Variants in TARBP1 observed in about 807,000 individuals in gnomAD.
The protein encoded by TARBP1 is tRNA (guanosine(18)-2'-O)-methyltransferase TARBP1.
In TARBP1, 144 loss-of-function variants were observed where a neutral mutation model predicts 178.6. The ratio of observed to expected loss-of-function variants is 0.81; its 90% CI spans 0.70 to 0.93. TARBP1 has a LOEUF of 0.93. Among genes scored for constraint, TARBP1 ranks in the 40% least tolerant of loss-of-function variants. TARBP1 has a pLI of 0.00. For synonymous variants in TARBP1, 787 were observed against 781.0 expected (o/e 1.01, Z -0.13); for missense variants, 2,067 against 2,011.7 (o/e 1.03, Z -0.53).
intron 12 of TARBP1, among the ~76,000 whole-genome samples, chr1:234,445,253 G>A (rs1411627577): frequency 6.6e-6 from 1 of 152,062 alleles, no homozygotes; most frequent in African/African-American, 2.4e-5. Context: ...ACCCTCTGCT[G>A]TTCCTCTTCA....
At chr1:234,444,558 C>T (rs1346880556) in intron 12 of TARBP1, among the ~76,000 whole-genome samples, 1 of 152,114 alleles carries the variant, frequency 6.6e-6, no homozygotes, top group Non-Finnish European at 1.5e-5. Flanking sequence ...ACCTCAAGGG[C>T]GTGCTCAGCA....
chr1:234,425,376 G>T (rs967383431), intron 20 of TARBP1, among the ~76,000 whole-genome samples: 2 of 152,094 alleles, frequency 1.3e-5, no homozygotes, highest in African/African-American at 4.8e-5. Flanking sequence ...TACTAACCAA[G>T]ATTTTTTTTC....
intron 2 of TARBP1, among the ~76,000 whole-genome samples, 153 bp downstream of exon 2, chr1:234,472,561 A>G (rs1032540994): frequency 6.6e-6 from 1 of 152,180 alleles, no homozygotes; most frequent in Non-Finnish European, 1.5e-5. Context: ...CTTACACTCT[A>G]AGTTGCATTT....
At chr1:234,469,126 T>C (rs1436659059) in intron 3 of TARBP1, among the ~76,000 whole-genome samples, 3 of 131,534 alleles carry the variant, frequency 2.3e-5, no homozygotes, top group African/African-American at 5.7e-5. Context: ...ACCAACCTAA[T>C]AGCATGTACT....
chr1:234,404,754 C>G (rs1329772798), intron 24 of TARBP1, among the ~76,000 whole-genome samples: 3 of 152,218 alleles, frequency 2.0e-5, no homozygotes, highest in Non-Finnish European at 4.4e-5. Context: ...TGGAACCCAT[C>G]TCCCCACAGC....
intron 3 of TARBP1, among the ~76,000 whole-genome samples, chr1:234,469,510 T>A (rs2103297398): frequency 6.6e-6 from 1 of 152,328 alleles, no homozygotes; most frequent in Non-Finnish European, 1.5e-5. Context: ...CAACTACAGA[T>A]GCTTATGGTC....
chr1:234,418,751 G>C (rs1244768488), intron 21 of TARBP1, among the ~76,000 whole-genome samples: 4 of 152,192 alleles, frequency 2.6e-5, no homozygotes, highest in Admixed American at 6.5e-5. Context: ...CTCTGGCTAA[G>C]ACCTTGAGCT....
chr1:234,405,009 AGTCTTAT>A (rs1346003608), intron 24 of TARBP1, among the ~76,000 whole-genome samples: 1 of 152,174 alleles, frequency 6.6e-6, no homozygotes, highest in Non-Finnish European at 1.5e-5. Context: ...ACAATGACTC[AGTCTTAT>A]TTGTACCATG....
intron 11 of TARBP1, among the ~76,000 whole-genome samples, chr1:234,447,394 C>CTTTTT (rs36066908): frequency 1.4e-4 from 15 of 104,622 alleles, no homozygotes; most frequent in South Asian, 3.3e-4. Flanking sequence ...TGTTAACCAA[C>CTTTTT]TTTTTTTTTT....
intron 12 of TARBP1, among the ~76,000 whole-genome samples, chr1:234,438,675 T>C (rs1170013281): frequency 6.6e-6 from 1 of 152,090 alleles, no homozygotes; most frequent in Non-Finnish European, 1.5e-5. Context: ...TTTCAAGCCA[T>C]CACAGCCCCA....
chr1:234,409,089 G>A (rs1414973532), intron 23 of TARBP1, among the ~76,000 whole-genome samples: 1 of 151,990 alleles, frequency 6.6e-6, no homozygotes, highest in Non-Finnish European at 1.5e-5. Context: ...CGGACTTTAC[G>A]TATCACAAAT....
At chr1:234,462,735 CTTCCCCATT>C (rs937634778) in intron 6 of TARBP1, among the ~76,000 whole-genome samples, 3 of 149,804 alleles carry the variant, frequency 2.0e-5, no homozygotes, top group South Asian at 2.1e-4. Flanking sequence ...TCTTCCCCAT[CTTCCCCATT>C]AACACATTTT....
In TARBP1 at chr1:234,393,374, A is replaced by G. The variant is rs751637277; in HGVS notation, c.4548T>C (p.Leu1516=). 6 of 1,556,204 alleles carry G rather than the reference A, an allele frequency of 3.9e-6. No homozygotes were observed. In the African/African-American group the frequency reaches 8.2e-5, roughly 21 times the overall value. Residue 1516 remains leucine, a synonymous_variant, in exon 28 of 30, where the codon CTT becomes CTC. Transcript: ENST00000040877. ...ACTTTCCACCCACCTCCACTAGAGGAAGCCACTGTTCTGCAGAGACACTGA... is the reference window on the plus strand; with the variant it reads ...ACTTTCCACCCACCTCCACTAGAGGGAGCCACTGTTCTGCAGAGACACTGA... ...QHLSVSAEQW[L]PLVEVKPPQL... is the part of the protein sequence containing the mutation.
At chr1:234,461,469 G>A (rs919255551) in intron 6 of TARBP1, among the ~76,000 whole-genome samples, 2 of 152,022 alleles carry the variant, frequency 1.3e-5, no homozygotes, top group Non-Finnish European at 2.9e-5. Flanking sequence ...CACCACACCC[G>A]GCTAATTTTT....
At chr1:234,444,708 A>T (rs553641969) in intron 12 of TARBP1, among the ~76,000 whole-genome samples, 1 of 152,024 alleles carries the variant, frequency 6.6e-6, no homozygotes, top group African/African-American at 2.4e-5. Flanking sequence ...AAAAAAACAG[A>T]ATAAATTAGA....
chr1:234,416,290 G>A (rs1020382836), intron 22 of TARBP1, among the ~76,000 whole-genome samples: 3 of 152,146 alleles, frequency 2.0e-5, no homozygotes, highest in African/African-American at 7.2e-5. Flanking sequence ...AGAGCCAGAG[G>A]AGCCTGGAAA....
rs371255238 is a variant in TARBP1, at chr1:234,472,820, G to T, written c.932-9C>A. 2.2e-5 allele frequency: 34 copies of T among 1,576,312 alleles called. No homozygotes were observed. Among genetic ancestry groups the T allele is most frequent in the Non-Finnish European group, 2.4e-5 (28 of 1,166,742 alleles). On this transcript the variant is annotated splice_polypyrimidine_tract_variant and intron_variant, in intron 1 of 29. Transcript: ENST00000040877. ...CCAAAACAGACTTGGGCCTGATATG[G>T]TTTAAAAAAGAAAATTAGTTCTTCC...
At position 234,467,571 on chromosome 1, in the gene TARBP1, T is replaced by C. The variant is rs773595587; in HGVS notation, c.1179A>G (p.Lys393=). The change falls in exon 4 of 30, where the codon AAA becomes AAG. Residue 393 remains lysine, a synonymous_variant. Coordinates refer to ENST00000040877, the MANE Select transcript of TARBP1 (RefSeq NM_005646.4). ...MFESENKILS[K]EGVIHFLELY... is the part of the protein sequence containing the mutation. ...GCTCCAAAAAATGGATAACACCTTCTTTGGACAGGATTTTGTTTTCACTTT... is the reference window on the plus strand; with the variant it reads ...GCTCCAAAAAATGGATAACACCTTCCTTGGACAGGATTTTGTTTTCACTTT... The C allele has an allele frequency of 1.2e-6, 2 of 1,609,258 alleles. No individual in the cohort carries two copies. Among genetic ancestry groups the C allele is most frequent in the Non-Finnish European group, 1.7e-6 (2 of 1,178,840 alleles).
intron 25 of TARBP1, among the ~76,000 whole-genome samples, chr1:234,399,889 G>A (rs1660504380): frequency 8.0e-6 from 1 of 125,656 alleles, no homozygotes; most frequent in Admixed American, 8.7e-5. Context: ...CTGTTGTGGG[G>A]TGGGGGGAGG....
Sources: allele counts gnomAD v4.1 joint callset (sites outside exome capture counted in the v4.1 genomes callset), GRCh38; gene constraint gnomAD v4.1.1; transcripts MANE v1.5; gene names NCBI Gene and HGNC (gene_info 2026-07-23, HGNC 2026-07-21).